Variants in PAX7 observed in about 807,000 individuals in gnomAD.
The protein encoded by PAX7 is paired box 7.
Under a neutral mutation model 50.7 loss-of-function variants are expected in PAX7, and 18 were observed. The observed-to-expected ratio is 0.36, with a 90% confidence interval of 0.25 to 0.53. PAX7 has a LOEUF of 0.53. Ranked by LOEUF, PAX7 falls within the 20% of genes least tolerant of loss-of-function variation. PAX7 has a pLI of 0.93. For missense variants in PAX7, 644 were observed against 702.9 expected (o/e 0.92, Z 0.95); for synonymous variants, 310 against 290.4 (o/e 1.07, Z -0.69).
At position 18,672,605 on chromosome 1, in the gene PAX7, T is replaced by TG. The variant is rs1441315383; in HGVS notation, c.587-19149_587-19148insG. Reference sequence around the variant, plus strand: ...GACTGGAGAGCACTGTGTTTTTTTTTTTTTTTTTTTTTGTGAGACTAAGTC... The same window carrying TG: ...GACTGGAGAGCACTGTGTTTTTTTTTGTTTTTTTTTTTTGTGAGACTAAGTC... On this transcript the variant is annotated intron_variant, in intron 4 of 8. Coordinates refer to ENST00000420770, the MANE Select transcript of PAX7 (RefSeq NM_001135254.2). 4.8e-3 allele frequency among the ~76,000 whole-genome samples: 704 copies of TG among 146,660 alleles called. 6 individuals are homozygous for TG. The highest frequency in any genetic ancestry group is 0.018 in the Middle Eastern group (5 of 284).
chr1:18,712,769 G>A (rs1234083428), intron 7 of PAX7, among the ~76,000 whole-genome samples: 1 of 152,186 alleles, frequency 6.6e-6, no homozygotes, highest in Non-Finnish European at 1.5e-5. Context: ...ACAAGAGGTG[G>A]GTGGAGGGTG....
At chr1:18,707,855 A>G (rs2089303899) in intron 7 of PAX7, among the ~76,000 whole-genome samples, 1 of 151,842 alleles carries the variant, frequency 6.6e-6, no homozygotes, top group South Asian at 2.1e-4. Context: ...TATGGAAGCC[A>G]CCCCCTTCAG....
intron 4 of PAX7, 56 bp from the exon 5 acceptor site, chr1:18,691,698 G>A (rs1227360829): frequency 1.3e-6 from 2 of 1,497,698 alleles, no homozygotes; most frequent in Non-Finnish European, 1.8e-6. Context: ...CCAGACCCCG[G>A]CACCCTTCCA....
At chr1:18,691,079 G>A (rs1230495112) in intron 4 of PAX7, among the ~76,000 whole-genome samples, 1 of 152,162 alleles carries the variant, frequency 6.6e-6, no homozygotes, top group African/African-American at 2.4e-5. Flanking sequence ...CAGGGCTCAA[G>A]CGATTCTCCC....
intron 4 of PAX7, among the ~76,000 whole-genome samples, chr1:18,639,482 T>A (rs917291348): frequency 2.0e-5 from 3 of 152,012 alleles, no homozygotes; most frequent in African/African-American, 7.3e-5. Flanking sequence ...GATAGGTGCT[T>A]GCCCCAGTCA....
At chr1:18,689,458 T>A (rs1388004664) in intron 4 of PAX7, among the ~76,000 whole-genome samples, 1 of 151,720 alleles carries the variant, frequency 6.6e-6, no homozygotes, top group African/African-American at 2.4e-5. Context: ...AGGGCAGGGG[T>A]TAGATCTGAC....
In PAX7 at chr1:18,632,871, G is replaced by A. The variant is rs1041710483; in HGVS notation, c.85+1183G>A. ...CAGGCGGGAGAGCGCGCAAACCCGGGGATTTGCAGTGGCACTCTCCTGTAG... is the reference window on the plus strand; with the variant it reads ...CAGGCGGGAGAGCGCGCAAACCCGGAGATTTGCAGTGGCACTCTCCTGTAG... On this transcript the variant is annotated intron_variant, in intron 1 of 8. Transcript: ENST00000420770. The surrounding 1 kb of genome is among the most constrained non-coding windows in gnomAD (Gnocchi z 6.3). Among the ~76,000 whole-genome samples the A allele has an allele frequency of 6.6e-6, 1 of 152,162 alleles. No individual in the cohort carries two copies. Among genetic ancestry groups the A allele is most frequent in the African/African-American group, 2.4e-5 (1 of 41,452 alleles).
At chr1:18,717,751 G>C (rs1433595097) in intron 7 of PAX7, among the ~76,000 whole-genome samples, 2 of 152,182 alleles carry the variant, frequency 1.3e-5, no homozygotes, top group Non-Finnish European at 2.9e-5. Context: ...GCTCTCCTGA[G>C]GGTCTATTTT....
Position 18,636,206 on chromosome 1 carries a change from A to G in PAX7, c.452-31A>G. 6.2e-7 allele frequency: 1 copy of G among 1,611,388 alleles called. No homozygotes were observed. Among genetic ancestry groups the G allele is most frequent in the Non-Finnish European group, 8.5e-7 (1 of 1,178,142 alleles). On this transcript the variant is annotated intron_variant, in intron 3 of 8. Transcript: ENST00000420770. This position sits in a 1 kb window ranked among gnomAD's most constrained non-coding sequence, Gnocchi z 5.1. ...GCTCGCTCCTCTGCTCCAACAACTT[A>G]TACTTGCTCTTTTGCCTTTGAATTT...
intron 4 of PAX7, among the ~76,000 whole-genome samples, chr1:18,659,767 G>A (rs2088573983): frequency 6.6e-6 from 1 of 152,138 alleles, no homozygotes; most frequent in African/African-American, 2.4e-5. Context: ...CCACATTCCA[G>A]AAAAGCCTTC....
intron 5 of PAX7, among the ~76,000 whole-genome samples, chr1:18,695,561 T>C (rs1429150537): frequency 1.3e-5 from 2 of 152,208 alleles, no homozygotes; most frequent in Non-Finnish European, 2.9e-5. Flanking sequence ...GAGCCTCTGC[T>C]TGAAGCCTGC....
intron 7 of PAX7, among the ~76,000 whole-genome samples, chr1:18,721,212 C>T (rs539516722): frequency 2.0e-5 from 3 of 152,298 alleles, no homozygotes; most frequent in East Asian, 1.9e-4. Flanking sequence ...CCCAGTGCAG[C>T]GGTGGTGGGT....
In PAX7 at chr1:18,632,101, G is replaced by C. The variant is rs932092765; in HGVS notation, c.85+413G>C. On this transcript the variant is annotated intron_variant, in intron 1 of 8. Transcript: ENST00000420770. The surrounding 1 kb of genome is among the most constrained non-coding windows in gnomAD (Gnocchi z 6.3). ...GTTTTGAATTATTTTTTCCACCCCCGGGATTGGTCTTCCAGTCCTTTATTT... is the reference window on the plus strand; with the variant it reads ...GTTTTGAATTATTTTTTCCACCCCCCGGATTGGTCTTCCAGTCCTTTATTT... Among the ~76,000 whole-genome samples the C allele has an allele frequency of 6.6e-6, 1 of 152,000 alleles. No individual in the cohort carries two copies. Among genetic ancestry groups the C allele is most frequent in the African/African-American group, 2.4e-5 (1 of 41,372 alleles).
chr1:18,723,775 T>C (rs903788828), intron 7 of PAX7, among the ~76,000 whole-genome samples: 2 of 152,168 alleles, frequency 1.3e-5, no homozygotes, highest in African/African-American at 4.8e-5. Flanking sequence ...AGCCAGGATC[T>C]TGAGGTCCTT....
rs2089576791 is a variant in PAX7 at position 18,726,726 on chromosome 1, G to A, written c.1156-8906G>A. ...CACACACCAGAAGGTTCTTACCAAAGTCTCAGCTGGATGTCTTCTGCTGCA... is the reference window on the plus strand; with the variant it reads ...CACACACCAGAAGGTTCTTACCAAAATCTCAGCTGGATGTCTTCTGCTGCA... On this transcript the variant is annotated intron_variant, in intron 7 of 8. Coordinates refer to ENST00000420770, the MANE Select transcript of PAX7 (RefSeq NM_001135254.2). The surrounding 1 kb of genome is among the most constrained non-coding windows in gnomAD (Gnocchi z 4.8). 6.6e-6 allele frequency among the ~76,000 whole-genome samples: 1 copy of A among 152,206 alleles called. No homozygotes were observed. The highest frequency in any genetic ancestry group is 1.9e-4 in the East Asian group (1 of 5,198).
At chr1:18,681,599 C>A (rs1257907522) in intron 4 of PAX7, among the ~76,000 whole-genome samples, 1 of 152,204 alleles carries the variant, frequency 6.6e-6, no homozygotes, top group Non-Finnish European at 1.5e-5. Context: ...CAGTACCATG[C>A]TGCTAGCAGA....
intron 7 of PAX7, among the ~76,000 whole-genome samples, chr1:18,732,529 G>A (rs1318290790): frequency 1.2e-4 from 19 of 152,210 alleles, no homozygotes. Context: ...ATGCTTGTTG[G>A]ACGAATACGT....
At chr1:18,685,628 T>C (rs1187368211) in intron 4 of PAX7, among the ~76,000 whole-genome samples, 1 of 152,164 alleles carries the variant, frequency 6.6e-6, no homozygotes, top group South Asian at 2.1e-4. Flanking sequence ...GAAGCTCATG[T>C]TCAAAGGCGT....
chr1:18,636,347 A>G lies in PAX7; in HGVS notation c.562A>G (p.Ile188Val), dbSNP rs2088156497. ...DDGEKKAKHS[I>V]DGILGDKGNR... Reference sequence around the variant, plus strand: ...CGGCGAAAAGAAGGCCAAACACAGCATCGACGGCATCCTGGGCGACAAAGG... The same window carrying G: ...CGGCGAAAAGAAGGCCAAACACAGCGTCGACGGCATCCTGGGCGACAAAGG... The change falls in exon 4 of 9, where the codon ATC becomes GTC. Residue 188 changes from isoleucine (I) to valine (V), a missense_variant. Transcript: ENST00000420770. The surrounding 1 kb of genome is among the most constrained non-coding windows in gnomAD (Gnocchi z 5.1). 6.2e-7 allele frequency: 1 copy of G among 1,614,232 alleles called. No homozygotes were observed. The highest frequency in any genetic ancestry group is 8.5e-7 in the Non-Finnish European group (1 of 1,180,018).
Sources: allele counts gnomAD v4.1 joint callset (sites outside exome capture counted in the v4.1 genomes callset), GRCh38; gene constraint gnomAD v4.1.1; non-coding constraint Gnocchi (gnomAD v3.1); transcripts MANE v1.5; gene names NCBI Gene and HGNC (gene_info 2026-07-23, HGNC 2026-07-21).